Variants in CYSLTR1 observed in about 807,000 individuals in gnomAD.
CYSLTR1 encodes the protein cysteinyl leukotriene receptor 1, also known as G-protein coupled receptor HG55.
Under a neutral mutation model 2.1 loss-of-function variants are expected in CYSLTR1, and 1 was observed. The observed-to-expected ratio is 0.48, with a 90% CI of 0.17 to 2.28. The LOEUF (loss-of-function observed/expected upper bound fraction) is 2.28, where lower values mean the gene tolerates loss of function less well. CYSLTR1 is among the 30% of genes most tolerant of loss of function. CYSLTR1 has a pLI of 0.26. For synonymous variants in CYSLTR1, 110 were observed against 89.6 expected, an observed-to-expected ratio of 1.23 and a Z score of -1.28; for missense variants, 299 against 250.1, an observed-to-expected ratio of 1.20 and a Z score of -1.32.
At chrX:78,314,375 A>C (rs1923328783) in intron 1 of CYSLTR1, among the ~76,000 whole-genome samples, 1 of 111,826 alleles carries the variant, frequency 8.9e-6, no homozygotes, top group Non-Finnish European at 1.9e-5. Flanking sequence ...AGAAGGCAGA[A>C]TGGAAGGCTC....
chrX:78,306,221 T>C (rs887656164), intron 1 of CYSLTR1, among the ~76,000 whole-genome samples: 1 of 111,194 alleles, frequency 9.0e-6, no homozygotes, highest in Admixed American at 9.6e-5. Flanking sequence ...TGGAGTGTAA[T>C]GGCATGATCT....
intron 1 of CYSLTR1, among the ~76,000 whole-genome samples, chrX:78,322,562 C>T (rs1923706255): frequency 9.0e-6 from 1 of 111,478 alleles, no homozygotes; most frequent in African/African-American, 3.3e-5. Context: ...AACCATCAGG[C>T]TATGCTAATG....
chrX:78,273,774 C>G lies in CYSLTR1; in HGVS notation c.-27-1G>C. Reference sequence around the variant, plus strand: ...TTCTCTACGAATGTCTGCTTTGTGCCTATAATAAATAAAAAAAATTGTCAA... The same window carrying G: ...TTCTCTACGAATGTCTGCTTTGTGCGTATAATAAATAAAAAAAATTGTCAA... On this transcript the variant is annotated splice_acceptor_variant, in intron 2 of 2. Coordinates refer to ENST00000373304, the MANE Select transcript of CYSLTR1 (RefSeq NM_006639.4). LOFTEE classifies it low-confidence loss of function (5UTR_SPLICE). 3.5e-6 allele frequency: 4 copies of G among 1,146,879 alleles called. No individual in the cohort carries two copies. The highest frequency in any genetic ancestry group is 4.6e-6 in the Non-Finnish European group (4 of 864,853). 94.5% of individuals were successfully genotyped at this position (1,146,879 alleles called of 1,213,427 possible).
chrX:78,324,013 T>C (rs1923767757), intron 1 of CYSLTR1, among the ~76,000 whole-genome samples: 1 of 111,881 alleles, frequency 8.9e-6, no homozygotes, highest in African/African-American at 3.3e-5. Flanking sequence ...TTTTTTCTCT[T>C]TTCTTCCATA....
intron 2 of CYSLTR1, among the ~76,000 whole-genome samples, chrX:78,280,104 A>G (rs1215864279): frequency 1.8e-5 from 2 of 109,843 alleles, no homozygotes; most frequent in African/African-American, 6.6e-5. Context: ...AATCCTCCCC[A>G]CCCCCCAAAA....
rs139268612 is a variant in CYSLTR1 at position 78,321,825 on chromosome X, G to A, written c.-115+5480C>T. ...TAGGGTCCGAATGAGACTGATGGGT[G>A]TTTTTGGATTGAACCAATAGCAGAG... On this transcript the variant is annotated intron_variant, in intron 1 of 2. Coordinates refer to ENST00000373304, the MANE Select transcript of CYSLTR1 (RefSeq NM_006639.4). The A allele has an allele frequency of 3.6e-5, 4 of 111,768 alleles. No homozygotes were observed. In the East Asian group the frequency reaches 1.1e-3, roughly 31 times the overall value. 9.2% of individuals were successfully genotyped at this position (111,768 alleles called of 1,213,427 possible).
chrX:78,281,195 CCCA>C (rs1921827826), intron 2 of CYSLTR1, among the ~76,000 whole-genome samples: 1 of 111,276 alleles, frequency 9.0e-6, no homozygotes, highest in East Asian at 2.8e-4. Flanking sequence ...AATTTACACT[CCCA>C]CCAACAGTGT....
chrX:78,300,221 G>A (rs1922757716), intron 1 of CYSLTR1, among the ~76,000 whole-genome samples: 1 of 112,214 alleles, frequency 8.9e-6, no homozygotes, highest in Admixed American at 9.4e-5. Flanking sequence ...ATTTCTTAGA[G>A]TTTCCTCAAC....
At chrX:78,278,366 A>G (rs963269062) in intron 2 of CYSLTR1, among the ~76,000 whole-genome samples, 3 of 112,201 alleles carry the variant, frequency 2.7e-5, no homozygotes, top group Non-Finnish European at 5.6e-5. Flanking sequence ...AAGCCCATTC[A>G]CAATAGCCAC....
chrX:78,293,957 A>G (rs939129524), intron 1 of CYSLTR1, among the ~76,000 whole-genome samples: 1 of 111,507 alleles, frequency 9.0e-6, no homozygotes. Context: ...GTTTGTTATT[A>G]TTGATCTTCT....
intron 1 of CYSLTR1, among the ~76,000 whole-genome samples, chrX:78,300,285 A>G (rs1922760216): frequency 8.9e-6 from 1 of 112,616 alleles, no homozygotes; most frequent in Non-Finnish European, 1.9e-5. Flanking sequence ...TTGCTCCAAT[A>G]TTGGTCCTTG....
intron 1 of CYSLTR1, among the ~76,000 whole-genome samples, chrX:78,288,962 T>C (rs1922192463): frequency 2.1e-5 from 1 of 48,551 alleles, no homozygotes; most frequent in Non-Finnish European, 5.1e-5. Context: ...ATGCAATGTT[T>C]CTTTTTTTTT....
chrX:78,306,963 T>C (rs949218965), intron 1 of CYSLTR1, among the ~76,000 whole-genome samples: 2 of 112,190 alleles, frequency 1.8e-5, no homozygotes, highest in African/African-American at 3.2e-5. Flanking sequence ...ATATTTTCAA[T>C]GAAGTAATAA....
At chrX:78,296,349 T>C (rs1922572902) in intron 1 of CYSLTR1, among the ~76,000 whole-genome samples, 2 of 111,703 alleles carry the variant, frequency 1.8e-5, no homozygotes, top group South Asian at 3.7e-4. Flanking sequence ...CCAGTTTTCT[T>C]ATTTTGCTTA....
intron 1 of CYSLTR1, among the ~76,000 whole-genome samples, chrX:78,289,124 C>A (rs752597950): frequency 2.7e-5 from 3 of 109,312 alleles, no homozygotes; most frequent in Non-Finnish European, 5.7e-5. Flanking sequence ...GCCCTCCACC[C>A]CCCGACAGGC....
chrX:78,318,733 C>A (rs756232289), intron 1 of CYSLTR1, among the ~76,000 whole-genome samples: 3 of 111,427 alleles, frequency 2.7e-5, no homozygotes, highest in Non-Finnish European at 5.7e-5. Context: ...AACTTCCCCA[C>A]CTTATGTTTC....
At chrX:78,275,311 A>G (rs903680710) in intron 2 of CYSLTR1, among the ~76,000 whole-genome samples, 1 of 112,102 alleles carries the variant, frequency 8.9e-6, no homozygotes, top group African/African-American at 3.2e-5. Context: ...TCACAATAGC[A>G]AAGACTTGGA....
chrX:78,322,958 A>T (rs1174018669), intron 1 of CYSLTR1, among the ~76,000 whole-genome samples: 1 of 111,831 alleles, frequency 8.9e-6, no homozygotes, highest in Non-Finnish European at 1.9e-5. Context: ...AACTAATGAC[A>T]GTGTGTCCCC....
chrX:78,283,845 CA>C (rs1224516325), intron 1 of CYSLTR1, among the ~76,000 whole-genome samples: 1 of 111,774 alleles, frequency 8.9e-6, no homozygotes, highest in Admixed American at 9.5e-5. Flanking sequence ...TCTATGAAAC[CA>C]GGGTATTTCC....
Sources: gnomAD v4.1 joint callset for allele counts (sites outside exome capture counted in the v4.1 genomes callset) on GRCh38, gnomAD v4.1.1 for gene constraint, MANE v1.5 for transcripts, NCBI Gene and HGNC (gene_info 2026-07-23, HGNC 2026-07-21) for gene names.